Variants in ZNF704 observed in about 807,000 individuals in gnomAD.
ZNF704 encodes the protein zinc finger protein 704.
ZNF704 carries 10 observed loss-of-function variants against 44.7 expected under a neutral mutation model. That is an observed-to-expected ratio of 0.22 (90% CI 0.14 to 0.38). ZNF704 has a LOEUF of 0.38. Among genes scored for constraint, ZNF704 ranks in the 10% least tolerant of loss-of-function variants. The probability of loss-of-function intolerance (pLI) is 1.00; values close to 1 mark genes in which losing one functional copy is unlikely to be tolerated. For synonymous variants in ZNF704, 211 were observed against 207.6 expected, an observed-to-expected ratio of 1.02 and a Z score of -0.14; for missense variants, 390 against 545.5, an observed-to-expected ratio of 0.71 and a Z score of 2.84.
At chr8:80,752,122 T>G (rs541873994) in intron 2 of ZNF704, among the ~76,000 whole-genome samples, 2 of 152,346 alleles carry the variant, frequency 1.3e-5, no homozygotes, top group South Asian at 4.1e-4. Context: ...CACTGGGTTT[T>G]AGAACCAACT....
At chr8:80,739,808 A>T (rs964107154) in intron 2 of ZNF704, among the ~76,000 whole-genome samples, 12 of 152,198 alleles carry the variant, frequency 7.9e-5, no homozygotes, top group African/African-American at 2.9e-4. Context: ...AAGATTGTCC[A>T]AATAGAAATA....
chr8:80,813,615 T>C (rs533345633), intron 2 of ZNF704, among the ~76,000 whole-genome samples: 25 of 152,132 alleles, frequency 1.6e-4, no homozygotes, highest in Non-Finnish European at 3.2e-4. Flanking sequence ...CGGTGGCTCA[T>C]GCCTGTAATC....
intron 2 of ZNF704, 140 bp downstream of exon 2, chr8:80,821,234 A>T (rs1586051581): frequency 5.8e-6 from 5 of 865,866 alleles, no homozygotes; most frequent in South Asian, 4.5e-5. Flanking sequence ...TCTATTTCAC[A>T]CAAGCAATAG....
chr8:80,737,697 A>G (rs1212987441), intron 2 of ZNF704, among the ~76,000 whole-genome samples: 14 of 152,136 alleles, frequency 9.2e-5, no homozygotes, highest in Non-Finnish European at 1.6e-4. Context: ...ATTTTGAATA[A>G]TTTTTCTGGA....
intron 1 of ZNF704, among the ~76,000 whole-genome samples, chr8:80,847,799 C>A (rs879759611): frequency 7.9e-5 from 12 of 152,172 alleles, no homozygotes; most frequent in African/African-American, 2.7e-4. Context: ...ACATGTTCTA[C>A]AAAAATTAAT....
At chr8:80,655,341 A>G (rs1193280570) in intron 7 of ZNF704, among the ~76,000 whole-genome samples, 1 of 152,102 alleles carries the variant, frequency 6.6e-6, no homozygotes, top group Non-Finnish European at 1.5e-5. Flanking sequence ...TAAAAAAAAG[A>G]ACAAAAACAA....
At chr8:80,821,755 C>T in intron 1 of ZNF704, 140 bp from the exon 2 acceptor site, 1 of 650,016 alleles carries the variant, frequency 1.5e-6, no homozygotes. Flanking sequence ...AAGAAAAATG[C>T]AACATAGAAA....
At chr8:80,812,037 A>T (rs1475160551) in intron 2 of ZNF704, 1 of 152,482 alleles carries the variant, frequency 6.6e-6, no homozygotes, top group Non-Finnish European at 1.5e-5. Context: ...CCACCATGGA[A>T]AAACTGTCTG....
Position 80,687,361 on chromosome 8 carries a change from G to C in ZNF704, c.423C>G (p.Asn141Lys), listed in dbSNP as rs1018987533. Residue 141 changes from asparagine to lysine, a missense_variant, in exon 4 of 9, where the codon AAC (asparagine) becomes AAG (lysine). Transcript: ENST00000327835. The stretch of plus-strand genomic sequence containing the variant: ...AGAGCGGCGGCGACGGCGTGGACGG[G>C]TTGGACTGGTCGCTGGGGGCGCTCC... ...WSWSAPSDQS[N>K]PSTPSPPLSA... 6.2e-7 allele frequency: 1 copy of C among 1,608,106 alleles called. No individual in the cohort carries two copies. The highest frequency in any genetic ancestry group is 1.3e-5 in the African/African-American group (1 of 74,938).
At chr8:80,797,798 T>A (rs1807832267) in intron 2 of ZNF704, among the ~76,000 whole-genome samples, 1 of 152,126 alleles carries the variant, frequency 6.6e-6, no homozygotes, top group Non-Finnish European at 1.5e-5. Flanking sequence ...TCTGTACTGA[T>A]CTCCTCAGTA....
intron 2 of ZNF704, among the ~76,000 whole-genome samples, chr8:80,773,260 G>A (rs552533109): frequency 6.6e-6 from 1 of 151,944 alleles, no homozygotes; most frequent in Non-Finnish European, 1.5e-5. Flanking sequence ...TTTTATTTAT[G>A]TACAGTGTTT....
At chr8:80,670,071 T>C (rs1818255676) in intron 5 of ZNF704, among the ~76,000 whole-genome samples, 1 of 152,204 alleles carries the variant, frequency 6.6e-6, no homozygotes, top group Admixed American at 6.5e-5. Flanking sequence ...AAAATAAATG[T>C]ACATTTCATT....
intron 2 of ZNF704, among the ~76,000 whole-genome samples, chr8:80,745,331 T>C (rs746219352): frequency 6.6e-5 from 10 of 152,192 alleles, no homozygotes; most frequent in African/African-American, 2.2e-4. Flanking sequence ...TTAAGCTTTA[T>C]AGATAGTCAA....
At position 80,781,073 on chromosome 8, in the gene ZNF704, C is replaced by T. The variant is rs1464268026; in HGVS notation, c.221+40301G>A. ...CAGAAAAAGTAGGGCAGAATCTTTT[C>T]CTTTCCCATATCCTTAGCTCATGAT... On this transcript the variant is annotated intron_variant, in intron 2 of 8. Coordinates refer to ENST00000327835, the MANE Select transcript of ZNF704 (RefSeq NM_001033723.3). Among the ~76,000 whole-genome samples, 2 of 152,148 alleles carry T rather than the reference C, an allele frequency of 1.3e-5. 1 individual carries two copies. Among genetic ancestry groups the T allele is most frequent in the Non-Finnish European group, 2.9e-5 (2 of 68,016 alleles).
At chr8:80,669,705 G>A (rs914519622) in intron 5 of ZNF704, among the ~76,000 whole-genome samples, 8 of 152,116 alleles carry the variant, frequency 5.3e-5, no homozygotes, top group African/African-American at 1.4e-4. Context: ...GAGCCTGGCC[G>A]TGCATTTGTG....
In ZNF704 at chr8:80,676,983, C is replaced by A. The variant is rs185849624; in HGVS notation, c.559-6380G>T. Among the ~76,000 whole-genome samples, 17 of 152,220 alleles carry A rather than the reference C, an allele frequency of 1.1e-4. No individual in the cohort carries two copies. The East Asian group carries it at 3.1e-3, about 28-fold the overall frequency. Reference sequence around the variant, plus strand: ...CAGCCCGAGGCCCGGGAGTTGGGGACCCCCGCCTTAGAGAGTGGGAAAGGA... The same window carrying A: ...CAGCCCGAGGCCCGGGAGTTGGGGAACCCCGCCTTAGAGAGTGGGAAAGGA... On this transcript the variant is annotated intron_variant, in intron 4 of 8. Transcript: ENST00000327835.
Position 80,664,812 on chromosome 8 carries a change from C to A in ZNF704, c.927+3G>T. ...ATTGCTCTCACAGTCCCCTGCAAGT[C>A]ACCTGGTAAGCATGGTCAGTGTGCA... On this transcript the variant is annotated splice_donor_region_variant and intron_variant, in intron 6 of 8. Coordinates refer to ENST00000327835, the MANE Select transcript of ZNF704 (RefSeq NM_001033723.3). The A allele has an allele frequency of 6.2e-7, 1 of 1,613,894 alleles. No individual in the cohort carries two copies. Among genetic ancestry groups the A allele is most frequent in the South Asian group, 1.1e-5 (1 of 91,074 alleles).
At chr8:80,819,889 T>C (rs1808240401) in intron 2 of ZNF704, among the ~76,000 whole-genome samples, 1 of 152,174 alleles carries the variant, frequency 6.6e-6, no homozygotes, top group Admixed American at 6.5e-5. Context: ...CTAGAGAAGA[T>C]ACTTTTGATT....
At chr8:80,831,639 A>G (rs1586060538) in intron 1 of ZNF704, among the ~76,000 whole-genome samples, 1 of 152,342 alleles carries the variant, frequency 6.6e-6, no homozygotes, top group East Asian at 1.9e-4. Context: ...GCAGCATTAA[A>G]GCTGGTAAGG....
Sources: allele counts gnomAD v4.1 joint callset (sites outside exome capture counted in the v4.1 genomes callset), GRCh38; gene constraint gnomAD v4.1.1; transcripts MANE v1.5; gene names NCBI Gene and HGNC (gene_info 2026-07-23, HGNC 2026-07-21).